ACADM: variants seen among roughly 807,000 people sequenced by gnomAD.
ACADM encodes medium-chain specific acyl-CoA dehydrogenase, mitochondrial.
A neutral mutation model predicts 58.9 loss-of-function variants in ACADM; 49 were observed. That is an observed-to-expected ratio of 0.83 (90% CI 0.66 to 1.06). ACADM has a LOEUF of 1.06. ACADM is among the 50% of genes least tolerant of loss of function. ACADM has a pLI of 0.00. For synonymous variants in ACADM, 160 were observed against 157.7 expected, an observed-to-expected ratio of 1.01 and a Z score of -0.11; for missense variants, 496 against 507.0, an observed-to-expected ratio of 0.98 and a Z score of 0.21.
At chr1:75,732,514 C>G in intron 2 of ACADM, 130 bp from the exon 3 acceptor site, 2 of 773,078 alleles carry the variant, frequency 2.6e-6, no homozygotes, top group South Asian at 2.9e-5. Context: ...TCAAAAAATG[C>G]ACTGTAGTCT....
rs1427045458 is a variant in ACADM, at chr1:75,743,433, G to A, written c.600-2373G>A. Reference sequence around the variant, plus strand: ...TGGGTTCCTCCTAAAGATCAAAGAGGAGGACTCTGGGATCCTCTACCGCTG... The same window carrying A: ...TGGGTTCCTCCTAAAGATCAAAGAGAAGGACTCTGGGATCCTCTACCGCTG... On this transcript the variant is annotated intron_variant, in intron 7 of 11. Coordinates refer to ENST00000370841, the MANE Select transcript of ACADM (RefSeq NM_000016.6). 7.5e-6 allele frequency: 12 copies of A among 1,610,174 alleles called. No homozygotes were observed. In the East Asian group the frequency reaches 1.3e-4, roughly 18 times the overall value.
At chr1:75,744,215 G>C (rs1183100831) in intron 7 of ACADM, 1 of 1,574,710 alleles carries the variant, frequency 6.4e-7, no homozygotes, top group African/African-American at 1.3e-5. Context: ...TGAGGGCGAG[G>C]GCACTGGTGG....
At chr1:75,738,228 T>A (rs1340875928) in intron 6 of ACADM, among the ~76,000 whole-genome samples, 1 of 151,264 alleles carries the variant, frequency 6.6e-6, no homozygotes, top group African/African-American at 2.4e-5. Context: ...GTATTGTTAT[T>A]ATTTTTTTTT....
intron 7 of ACADM, 144 bp downstream of exon 7, chr1:75,740,254 G>T (rs1379429811): frequency 3.8e-6 from 3 of 789,916 alleles, no homozygotes; most frequent in Non-Finnish European, 6.0e-6. Flanking sequence ...AAACAGTTCA[G>T]TGATTTTCAA....
At chr1:75,743,305 T>G (rs1647688967) in intron 7 of ACADM, 5 of 1,202,074 alleles carry the variant, frequency 4.2e-6, no homozygotes, top group Non-Finnish European at 5.9e-6. Context: ...CTTCCTTGCT[T>G]GAGGCCAACA....
At chr1:75,760,423 GAAA>G (rs1323288013) in intron 10 of ACADM, among the ~76,000 whole-genome samples, 1 of 137,852 alleles carries the variant, frequency 7.3e-6, no homozygotes, top group Admixed American at 7.3e-5. Context: ...CTTTGTCTCA[GAAA>G]AAAAAAAAGA....
At chr1:75,732,188 A>G (rs906302714) in intron 2 of ACADM, among the ~76,000 whole-genome samples, 1 of 151,684 alleles carries the variant, frequency 6.6e-6, no homozygotes, top group Non-Finnish European at 1.5e-5. Flanking sequence ...ATATTCTTAT[A>G]TGACACTTTG....
chr1:75,733,349 T>C (rs1362156428), intron 4 of ACADM, 179 bp from the exon 5 acceptor site: 3 of 1,006,278 alleles, frequency 3.0e-6, no homozygotes, highest in Non-Finnish European at 2.9e-6. Context: ...TTGAAAATTT[T>C]AGAGCTTTAA....
At chr1:75,733,162 T>A in intron 4 of ACADM, 1 of 1,612,642 alleles carries the variant, frequency 6.2e-7, no homozygotes, top group Non-Finnish European at 8.5e-7. Flanking sequence ...AACTTCCGTT[T>A]CTAGAGTTGG....
intron 10 of ACADM, among the ~76,000 whole-genome samples, chr1:75,756,072 A>T (rs1276242878): frequency 1.3e-5 from 2 of 152,212 alleles, no homozygotes. Context: ...GTATCTCAAA[A>T]TAATAGCTAT....
intron 1 of ACADM, among the ~76,000 whole-genome samples, chr1:75,726,664 G>A (rs1338989936): frequency 1.3e-5 from 2 of 152,104 alleles, no homozygotes; most frequent in Non-Finnish European, 2.9e-5. Context: ...CTTCACATGC[G>A]AAAGTGGAAT....
chr1:75,762,614 C>A, intron 11 of ACADM, 78 bp from the exon 12 acceptor site: 1 of 911,244 alleles, frequency 1.1e-6, no homozygotes, highest in Non-Finnish European at 1.8e-6. Flanking sequence ...ACAGCTTATG[C>A]TACTGTCTAA....
intron 7 of ACADM, chr1:75,743,629 T>C: frequency 6.5e-7 from 1 of 1,545,436 alleles, no homozygotes. Context: ...TGATAATGGG[T>C]GTTCAAAGAG....
At chr1:75,735,514 T>C (rs1647232538) in intron 6 of ACADM, among the ~76,000 whole-genome samples, 1 of 152,072 alleles carries the variant, frequency 6.6e-6, no homozygotes. Context: ...TCAGATTGAA[T>C]GTAGGGCAAT....
At chr1:75,737,282 A>ATATG (rs1553123525) in intron 6 of ACADM, among the ~76,000 whole-genome samples, 4 of 13,600 alleles carry the variant, frequency 2.9e-4, no homozygotes, top group Non-Finnish European at 4.0e-4. Flanking sequence ...ACACACAAAT[A>ATATG]TATATATATA....
intron 7 of ACADM, among the ~76,000 whole-genome samples, chr1:75,742,768 G>A (rs1198013597): frequency 1.3e-5 from 2 of 152,118 alleles, no homozygotes; most frequent in African/African-American, 2.4e-5. Flanking sequence ...CTTCTATGAT[G>A]ATTACAACAC....
chr1:75,732,574 T>C, intron 2 of ACADM, 70 bp from the exon 3 acceptor site: 1 of 1,195,866 alleles, frequency 8.4e-7, no homozygotes, highest in South Asian at 1.2e-5. Flanking sequence ...TACACATTTC[T>C]ACATACTGAC....
rs549522103 is a variant in ACADM, at chr1:75,756,790, T to C, written c.946-4332T>C. Among the ~76,000 whole-genome samples, 7 of 152,282 alleles carry C rather than the reference T, an allele frequency of 4.6e-5. No homozygotes were observed. In the East Asian group the frequency reaches 1.4e-3, roughly 29 times the overall value. ...CAAAACAACAAAGATGGATGCATCA[T>C]GCTACCTGACTTCAAACTATACTAC... On this transcript the variant is annotated intron_variant, in intron 10 of 11. Transcript: ENST00000370841.
intron 6 of ACADM, among the ~76,000 whole-genome samples, chr1:75,735,290 T>A (rs2100372857): frequency 7.8e-6 from 1 of 128,996 alleles, no homozygotes; most frequent in Non-Finnish European, 1.6e-5. Flanking sequence ...CACTGCTACC[T>A]GGGCGACAGA....
Sources: gnomAD v4.1 joint callset for allele counts (sites outside exome capture counted in the v4.1 genomes callset) on GRCh38, gnomAD v4.1.1 for gene constraint, MANE v1.5 for transcripts, NCBI Gene and HGNC (gene_info 2026-07-23, HGNC 2026-07-21) for gene names.